Variants in HSPA4L observed in about 807,000 individuals in gnomAD.
HSPA4L encodes the protein heat shock protein family A (Hsp70) member 4 like, also known as heat shock 70 kDa protein 4L.
HSPA4L carries 48 observed loss-of-function variants against 100.3 expected under a neutral mutation model. The ratio of observed to expected loss-of-function variants is 0.48; its 90% CI spans 0.38 to 0.61. HSPA4L has a LOEUF of 0.61. Ranked by LOEUF, HSPA4L falls within the 20% of genes least tolerant of loss-of-function variation. The probability of loss-of-function intolerance (pLI) is 0.00; values close to 1 mark genes in which losing one functional copy is unlikely to be tolerated. For missense variants in HSPA4L, 886 were observed against 988.6 expected (o/e 0.90, Z 1.39); for synonymous variants, 319 against 328.2 (o/e 0.97, Z 0.30).
chr4:127,824,199 T>A (rs1345122859), intron 16 of HSPA4L, among the ~76,000 whole-genome samples: 2 of 152,242 alleles, frequency 1.3e-5, no homozygotes, highest in African/African-American at 4.8e-5. Flanking sequence ...CTGAATAGTA[T>A]TCCGTTGTAT....
chr4:127,802,104 A>G (rs1008338627), intron 6 of HSPA4L, among the ~76,000 whole-genome samples, 186 bp downstream of exon 6: 10 of 152,144 alleles, frequency 6.6e-5, no homozygotes, highest in African/African-American at 2.4e-4. Flanking sequence ...ATAATTTTTC[A>G]GGACAAAATG....
Position 127,803,860 on chromosome 4 carries a change from A to G in HSPA4L, c.895A>G (p.Ser299Gly), listed in dbSNP as rs767939806. 8.1e-6 allele frequency: 13 copies of G among 1,613,564 alleles called. No homozygotes were observed. In the East Asian group the frequency reaches 1.8e-4, roughly 22 times the overall value. ...TTTCATGAATGACCTTGATGTTTCT[A>G]GTAAAATGAACAGGTACCACGTATG... ...ECFMNDLDVS[S>G]KMNRAQFEQL... The change falls in exon 7 of 19, where the codon AGT becomes GGT. Residue 299 changes from serine to glycine, a missense_variant. Transcript: ENST00000296464.
chr4:127,823,460 T>C (rs532790147), intron 15 of HSPA4L, 57 bp from the exon 16 acceptor site: 6 of 1,245,642 alleles, frequency 4.8e-6, no homozygotes, highest in African/African-American at 1.5e-5. Flanking sequence ...AGCCCAATGA[T>C]GACTTTTATT....
chr4:127,782,637 G>A lies in HSPA4L; in HGVS notation c.87G>A (p.Glu29=), dbSNP rs1417907389. ...GCGGCATCGAGACCATCGCCAATGA[G>A]TACAGCGACAGGTGTACCCCGTAAG... ...RSGGIETIAN[E]YSDRCTPACI... is the part of the protein sequence containing the mutation. The change falls in exon 1 of 19, where the codon GAG becomes GAA. Residue 29 remains glutamate, a synonymous_variant. Coordinates refer to ENST00000296464, the MANE Select transcript of HSPA4L (RefSeq NM_014278.4). 2 of 1,613,326 alleles carry A rather than the reference G, an allele frequency of 1.2e-6. No individual in the cohort carries two copies. The highest frequency in any genetic ancestry group is 1.1e-5 in the South Asian group (1 of 90,900).
At chr4:127,809,072 G>A in intron 11 of HSPA4L, 1 of 562,924 alleles carries the variant, frequency 1.8e-6, no homozygotes, top group South Asian at 2.2e-5. Flanking sequence ...GAAGGTGAGG[G>A]CGATTGGAAG....
At chr4:127,811,367 C>G (rs1733523618) in intron 11 of HSPA4L, 70 bp from the exon 12 acceptor site, 34 of 1,170,536 alleles carry the variant, frequency 2.9e-5, no homozygotes, top group Non-Finnish European at 4.2e-5. Flanking sequence ...AGATGATAGC[C>G]AAATTATTCA....
chr4:127,783,783 TACTATTCTATGG>T, intron 1 of HSPA4L: 2 of 1,011,680 alleles, frequency 2.0e-6, no homozygotes, highest in Non-Finnish European at 2.9e-6. Context: ...ATGCCTCATT[TACTATTCTATGG>T]AAAGCTTTAA....
chr4:127,798,503 C>G (rs745856904), intron 3 of HSPA4L, 84 bp from the exon 4 acceptor site: 114 of 1,335,008 alleles, frequency 8.5e-5, no homozygotes, highest in Non-Finnish European at 1.1e-4. Flanking sequence ...CATTGTATGT[C>G]TATCACATAT....
chr4:127,796,019 C>A, intron 3 of HSPA4L, 111 bp downstream of exon 3: 1 of 869,528 alleles, frequency 1.2e-6, no homozygotes, highest in Non-Finnish European at 1.7e-6. Context: ...AGTACATACA[C>A]ACCGAAGAGA....
chr4:127,796,019 C>T (rs1733012603), intron 3 of HSPA4L, 111 bp downstream of exon 3: 1 of 869,532 alleles, frequency 1.2e-6, no homozygotes, highest in East Asian at 2.6e-5. Context: ...AGTACATACA[C>T]ACCGAAGAGA....
intron 3 of HSPA4L, 34 bp from the exon 4 acceptor site, chr4:127,798,553 G>A: frequency 1.9e-6 from 3 of 1,607,824 alleles, no homozygotes; most frequent in Non-Finnish European, 2.6e-6. Context: ...ATAAACAAAT[G>A]ACTCTTAATA....
At chr4:127,795,424 T>C (rs1212900135) in intron 2 of HSPA4L, among the ~76,000 whole-genome samples, 1 of 152,160 alleles carries the variant, frequency 6.6e-6, no homozygotes, top group African/African-American at 2.4e-5. Context: ...GTTCAGCTCG[T>C]ACTAATTCAC....
rs559554757 is a variant in HSPA4L, at chr4:127,836,367, AAAAAC to A, written c.*3508_*3512del. The A allele has an allele frequency of 1.4e-4, 22 of 160,326 alleles. No homozygotes were observed. Among genetic ancestry groups the A allele is most frequent in the South Asian group, 8.0e-4 (4 of 5,016 alleles). The allele number at this position is 160,326 out of a possible 1,614,324, so 9.9% of individuals were successfully genotyped here. A position where few individuals can be genotyped will look rare whatever the true frequency, so the allele number is the denominator to read the frequency against. ...GGGCAACAGAGCAAGACTCCATCTC[AAAAAC>A]AAAACAAAACAAAAACATAAAAGGA... On this transcript the variant is annotated 3_prime_UTR_variant, in exon 19 of 19. Coordinates refer to ENST00000296464, the MANE Select transcript of HSPA4L (RefSeq NM_014278.4).
chr4:127,782,649 G>A lies in HSPA4L; in HGVS notation c.99G>A (p.Arg33=), dbSNP rs939319672. ...IETIANEYSD[R]CTPACISLGS... ...CCATCGCCAATGAGTACAGCGACAG[G>A]TGTACCCCGTAAGTGCCTCTGCTGA... The change falls in exon 1 of 19, where the codon AGG becomes AGA. Residue 33 remains arginine (R), a synonymous_variant. Transcript: ENST00000296464. 1.9e-6 allele frequency: 3 copies of A among 1,608,314 alleles called. No individual in the cohort carries two copies. The highest frequency in any genetic ancestry group is 2.7e-5 in the African/African-American group (2 of 74,670).
intron 6 of HSPA4L, among the ~76,000 whole-genome samples, chr4:127,802,670 C>T (rs1191917895): frequency 6.6e-6 from 1 of 152,148 alleles, no homozygotes; most frequent in Non-Finnish European, 1.5e-5. Flanking sequence ...TTTTAGATCA[C>T]AGACCCGTTT....
At position 127,833,369 on chromosome 4, in the gene HSPA4L, C is replaced by G. The variant is rs1172409593; in HGVS notation, c.*495C>G. ...ATATTAAAACAAATAAGAGCTTTCTCAACAAATTAGTCCATCTCATTGATG... is the reference window on the plus strand; with the variant it reads ...ATATTAAAACAAATAAGAGCTTTCTGAACAAATTAGTCCATCTCATTGATG... On this transcript the variant is annotated 3_prime_UTR_variant, in exon 19 of 19. Coordinates refer to ENST00000296464, the MANE Select transcript of HSPA4L (RefSeq NM_014278.4). 6.6e-6 allele frequency: 1 copy of G among 152,608 alleles called. No homozygotes were observed. Among genetic ancestry groups the G allele is most frequent in the African/African-American group, 2.4e-5 (1 of 41,462 alleles). The allele number at this position is 152,608 out of a possible 1,614,324, so 9.5% of individuals were successfully genotyped here.
At chr4:127,782,707 TC>T in intron 1 of HSPA4L, 50 bp downstream of exon 1, 1 of 1,339,392 alleles carries the variant, frequency 7.5e-7, no homozygotes, top group South Asian at 1.3e-5. Flanking sequence ...CGTTTTTCTC[TC>T]CCGTCCTTAA....
intron 3 of HSPA4L, among the ~76,000 whole-genome samples, chr4:127,796,839 A>C (rs910153761): frequency 6.6e-6 from 1 of 152,188 alleles, no homozygotes; most frequent in Non-Finnish European, 1.5e-5. Flanking sequence ...AGTGACTGCT[A>C]ATGGGTTTCT....
At chr4:127,784,540 A>G (rs1169169335) in intron 1 of HSPA4L, among the ~76,000 whole-genome samples, 1 of 152,240 alleles carries the variant, frequency 6.6e-6, no homozygotes, top group Non-Finnish European at 1.5e-5. Context: ...TAATGAGCCT[A>G]ATCTAAACTA....
Sources: gnomAD v4.1 joint callset for allele counts (sites outside exome capture counted in the v4.1 genomes callset) on GRCh38, gnomAD v4.1.1 for gene constraint, MANE v1.5 for transcripts, NCBI Gene and HGNC (gene_info 2026-07-23, HGNC 2026-07-21) for gene names.